HDAC9: variants seen among roughly 807,000 people sequenced by gnomAD.
HDAC9 encodes the protein histone deacetylase 9.
HDAC9 carries 41 observed loss-of-function variants against 139.4 expected under a neutral mutation model. That is an observed-to-expected ratio of 0.29 (90% CI 0.23 to 0.38). The LOEUF is 0.38. Ranked by LOEUF, HDAC9 falls within the 10% of genes least tolerant of loss-of-function variation. The probability of loss-of-function intolerance (pLI) is 1.00; values close to 1 mark genes in which losing one functional copy is unlikely to be tolerated. For synonymous variants in HDAC9, 517 were observed against 476.2 expected (o/e 1.09, Z -1.12); for missense variants, 1,147 against 1,297.0 (o/e 0.88, Z 1.78).
intron 1 of HDAC9, among the ~76,000 whole-genome samples, chr7:18,119,917 G>A (rs575893316): frequency 6.6e-6 from 1 of 152,264 alleles, no homozygotes; most frequent in South Asian, 2.1e-4. Flanking sequence ...ATCAAGTATT[G>A]ATCAATCCTT....
intron 2 of HDAC9, among the ~76,000 whole-genome samples, chr7:18,546,143 C>G (rs563407372): frequency 1.3e-5 from 2 of 152,220 alleles, no homozygotes; most frequent in Non-Finnish European, 2.9e-5. Context: ...ACTACATGCC[C>G]TAGCCTAATG....
intron 1 of HDAC9, among the ~76,000 whole-genome samples, chr7:18,291,330 A>T (rs894357214): frequency 1.3e-5 from 2 of 152,128 alleles, no homozygotes; most frequent in African/African-American, 4.8e-5. Flanking sequence ...CTCTGGAGCC[A>T]AACTGTTTGG....
At chr7:18,620,324 CTT>C (rs1839873795) in intron 6 of HDAC9, among the ~76,000 whole-genome samples, 1 of 151,822 alleles carries the variant, frequency 6.6e-6, no homozygotes, top group Non-Finnish European at 1.5e-5. Flanking sequence ...AATTTTATAA[CTT>C]ACTATTAAAA....
chr7:18,097,949 C>A (rs141164532), intron 1 of HDAC9, among the ~76,000 whole-genome samples: 1 of 152,134 alleles, frequency 6.6e-6, no homozygotes, highest in African/African-American at 2.4e-5. Context: ...TGTGTACTAA[C>A]GTCTACTGAT....
At chr7:18,983,984 ACTT>A (rs557878875) in intron 25 of HDAC9, among the ~76,000 whole-genome samples, 20 of 152,026 alleles carry the variant, frequency 1.3e-4, no homozygotes, top group Middle Eastern at 3.4e-3. Flanking sequence ...ATCAAATATC[ACTT>A]CTTCTTCTTG....
chr7:18,381,342 C>T (rs893249492), intron 1 of HDAC9, among the ~76,000 whole-genome samples: 10 of 151,384 alleles, frequency 6.6e-5, no homozygotes, highest in African/African-American at 2.4e-4. Context: ...ATATAATTAA[C>T]ATGGTTGAAT....
chr7:18,625,590 G>C (rs1841461407), intron 6 of HDAC9, among the ~76,000 whole-genome samples: 1 of 152,138 alleles, frequency 6.6e-6, no homozygotes, highest in South Asian at 2.1e-4. Context: ...TTCCCTGGTT[G>C]TGAACCACTG....
chr7:18,966,405 G>T (rs1783850613), intron 24 of HDAC9, among the ~76,000 whole-genome samples: 2 of 152,176 alleles, frequency 1.3e-5, no homozygotes, highest in African/African-American at 4.8e-5. Flanking sequence ...CAAGCTGTTA[G>T]AAGATAGAGT....
At chr7:18,839,085 T>C (rs1796421954) in intron 21 of HDAC9, among the ~76,000 whole-genome samples, 1 of 152,090 alleles carries the variant, frequency 6.6e-6, no homozygotes, top group African/African-American at 2.4e-5. Flanking sequence ...AATTGAAGGG[T>C]ATACTTAAGA....
chr7:18,290,663 CA>C (rs1394656290), intron 1 of HDAC9: 28 of 383,804 alleles, frequency 7.3e-5, no homozygotes, highest in African/African-American at 5.7e-4. Context: ...AAAGGTTTTC[CA>C]ATCAGTAACA....
chr7:18,760,813 A>C (rs1482458673), intron 14 of HDAC9, among the ~76,000 whole-genome samples: 1 of 152,210 alleles, frequency 6.6e-6, no homozygotes, highest in Non-Finnish European at 1.5e-5. Context: ...GTAAATGCTG[A>C]GAAATTGTCA....
intron 21 of HDAC9, among the ~76,000 whole-genome samples, chr7:18,836,572 A>C (rs1343474412): frequency 6.6e-6 from 1 of 152,176 alleles, no homozygotes; most frequent in Non-Finnish European, 1.5e-5. Context: ...AATCTACAAA[A>C]TGTAACATTA....
At chr7:18,276,775 A>G (rs1584965313) in intron 2 of HDAC9, among the ~76,000 whole-genome samples, 3 of 152,228 alleles carry the variant, frequency 2.0e-5, no homozygotes, top group African/African-American at 2.4e-5. Context: ...ATATAAAACT[A>G]GAAATAAAGC....
At chr7:18,776,087 C>T (rs1281168867) in intron 16 of HDAC9, among the ~76,000 whole-genome samples, 2 of 152,014 alleles carry the variant, frequency 1.3e-5, no homozygotes, top group African/African-American at 4.8e-5. Context: ...TACAGGTACA[C>T]ACCACCACAC....
chr7:18,617,933 G>A (rs1839113915), intron 6 of HDAC9, among the ~76,000 whole-genome samples: 1 of 152,118 alleles, frequency 6.6e-6, no homozygotes, highest in South Asian at 2.1e-4. Context: ...GCTTCCGGAT[G>A]ACTGTAACTG....
chr7:18,278,007 C>G (rs1445395035), intron 2 of HDAC9, among the ~76,000 whole-genome samples: 1 of 152,190 alleles, frequency 6.6e-6, no homozygotes, highest in Non-Finnish European at 1.5e-5. Flanking sequence ...CAGCTAGTGA[C>G]ATCAGAACCT....
intron 1 of HDAC9, among the ~76,000 whole-genome samples, chr7:18,352,153 T>A (rs888463026): frequency 7.2e-5 from 11 of 152,216 alleles, no homozygotes; most frequent in Non-Finnish European, 1.5e-5. Context: ...CCTTCAGTTA[T>A]CTCTGAGGAT....
In HDAC9 at chr7:18,666,671, C is replaced by T. The variant is rs531130499; in HGVS notation, c.1731+195C>T. On this transcript the variant is annotated intron_variant, in intron 12 of 25. Coordinates refer to ENST00000686413, the MANE Select transcript of HDAC9 (RefSeq NM_178425.4). ...TATAGAGGTCTTTCTATATACTGAT[C>T]TCTATATAGATATCAATGTTTCATT... 204 of 1,358,424 alleles carry T rather than the reference C, an allele frequency of 1.5e-4. No individual in the cohort carries two copies. The African/African-American group carries it at 2.9e-3, about 19-fold the overall frequency. The allele number at this position is 1,358,424 out of a possible 1,614,324, so 84.1% of individuals were successfully genotyped here.
intron 2 of HDAC9, among the ~76,000 whole-genome samples, chr7:18,165,687 A>G (rs1456067484): frequency 4.0e-5 from 6 of 151,804 alleles, no homozygotes. Flanking sequence ...CTACTTAGGA[A>G]GCTGAGGTGG....
Sources: allele counts gnomAD v4.1 joint callset (sites outside exome capture counted in the v4.1 genomes callset), GRCh38; gene constraint gnomAD v4.1.1; transcripts MANE v1.5; gene names NCBI Gene and HGNC (gene_info 2026-07-23, HGNC 2026-07-21).